SLC25A44: variants seen among roughly 807,000 people sequenced by gnomAD.
SLC25A44 encodes solute carrier family 25 member 44, also known as solute carrier family 25, member 44.
A neutral mutation model predicts 29.9 loss-of-function variants in SLC25A44; 17 were observed. The observed-to-expected ratio is 0.57, with a 90% confidence interval of 0.39 to 0.85. SLC25A44 has a LOEUF of 0.85. SLC25A44 is among the 40% of genes least tolerant of loss of function. The pLI is 0.00. For synonymous variants in SLC25A44, 140 were observed against 151.8 expected (o/e 0.92, Z 0.57); for missense variants, 302 against 398.4 (o/e 0.76, Z 2.06).
At chr1:156,204,156 A>T (rs1656783370) in intron 2 of SLC25A44, among the ~76,000 whole-genome samples, 1 of 146,136 alleles carries the variant, frequency 6.8e-6, no homozygotes. Flanking sequence ...TACAGGCATG[A>T]GCCACCACGC....
At chr1:156,204,756 G>A (rs1656826605) in intron 2 of SLC25A44, among the ~76,000 whole-genome samples, 1 of 152,154 alleles carries the variant, frequency 6.6e-6, no homozygotes. Context: ...CGAAAAGTGT[G>A]AGCCACCACG....
chr1:156,210,515 G>C lies in SLC25A44; in HGVS notation c.*84G>C, dbSNP rs1432982454. ...GGAGAGGACAGCACCCTCTCCAGGT[G>C]CTCCCACCACACACCCAGCCCTGCC... On this transcript the variant is annotated 3_prime_UTR_variant, in exon 4 of 4. Transcript: ENST00000359511. 1 of 1,028,174 alleles carries C rather than the reference G, an allele frequency of 9.7e-7. No homozygotes were observed. Among genetic ancestry groups the C allele is most frequent in the Non-Finnish European group, 1.4e-6 (1 of 728,720 alleles). 63.7% of individuals were successfully genotyped at this position (1,028,174 alleles called of 1,614,324 possible).
rs554468347 is a variant in SLC25A44 at position 156,202,895 on chromosome 1, G to T, written c.625+2423G>T. Among the ~76,000 whole-genome samples, 13 of 152,276 alleles carry T rather than the reference G, an allele frequency of 8.5e-5. No individual in the cohort carries two copies. The East Asian group carries it at 2.5e-3, about 29-fold the overall frequency. On this transcript the variant is annotated intron_variant, in intron 2 of 3. Coordinates refer to ENST00000359511, the MANE Select transcript of SLC25A44 (RefSeq NM_014655.4). ...GTCTATAAGAACAGGGATCATGTCC[G>T]TTTCTGTTCACTATTGTACCTCCCA...
chr1:156,203,699 CTTT>C (rs56890643), intron 2 of SLC25A44, among the ~76,000 whole-genome samples: 2 of 106,776 alleles, frequency 1.9e-5, no homozygotes, highest in Non-Finnish European at 3.5e-5. Context: ...ATTCTCTTTC[CTTT>C]TTTTTTTTTT....
chr1:156,204,164 C>T (rs896024836), intron 2 of SLC25A44, among the ~76,000 whole-genome samples: 4 of 151,112 alleles, frequency 2.6e-5, no homozygotes, highest in Admixed American at 6.6e-5. Flanking sequence ...TGAGCCACCA[C>T]GCCCAGCTAA....
At chr1:156,202,483 C>T (rs1402944204) in intron 2 of SLC25A44, among the ~76,000 whole-genome samples, 3 of 152,162 alleles carry the variant, frequency 2.0e-5, no homozygotes, top group Admixed American at 1.3e-4. Context: ...GTGCACAATT[C>T]CTCAACCATA....
chr1:156,205,434 C>G (rs1254244228), intron 2 of SLC25A44, among the ~76,000 whole-genome samples: 1 of 152,152 alleles, frequency 6.6e-6, no homozygotes, highest in Non-Finnish European at 1.5e-5. Context: ...TGTTCCTTCC[C>G]TTACTCATAC....
In SLC25A44 at chr1:156,211,295, G is replaced by A. The variant is rs1247683293; in HGVS notation, c.*864G>A. ...CCTGGCCCAGAGGACTCCCGTGGTG[G>A]GCACAGTTCTAAGTGGATCAGGCTG... On this transcript the variant is annotated 3_prime_UTR_variant, in exon 4 of 4. Coordinates refer to ENST00000359511, the MANE Select transcript of SLC25A44 (RefSeq NM_014655.4). 1 of 152,760 alleles carries A rather than the reference G, an allele frequency of 6.5e-6. No individual in the cohort carries two copies. The highest frequency in any genetic ancestry group is 1.5e-5 in the Non-Finnish European group (1 of 68,102). The allele number at this position is 152,760 out of a possible 1,614,324, so 9.5% of individuals were successfully genotyped here. A position where few individuals can be genotyped will look rare whatever the true frequency, so the allele number is the denominator to read the frequency against.
intron 3 of SLC25A44, among the ~76,000 whole-genome samples, chr1:156,209,481 T>C (rs1329618660): frequency 6.6e-6 from 1 of 152,026 alleles, no homozygotes; most frequent in Non-Finnish European, 1.5e-5. Context: ...TCATATCATA[T>C]AAAGGGAGGT....
chr1:156,195,802 C>G (rs1053040244), intron 1 of SLC25A44, among the ~76,000 whole-genome samples: 1 of 152,190 alleles, frequency 6.6e-6, no homozygotes, highest in Admixed American at 6.5e-5. Context: ...TACCTTCTCT[C>G]GAGCCAGAAT....
rs893876728 is a variant in SLC25A44 at position 156,198,895 on chromosome 1, T to G, written c.-13-940T>G. The stretch of plus-strand genomic sequence containing the variant: ...AGGTTGTGGTTTATATGCTTAGAGT[T>G]GAAAGCATGGGGTCCAACGTGTTCT... On this transcript the variant is annotated intron_variant, in intron 1 of 3. Coordinates refer to ENST00000359511, the MANE Select transcript of SLC25A44 (RefSeq NM_014655.4). This position sits in a 1 kb window ranked among gnomAD's most constrained non-coding sequence, Gnocchi z 4.1. 2.0e-5 allele frequency: 3 copies of G among 152,268 alleles called. No individual in the cohort carries two copies. The highest frequency in any genetic ancestry group is 3.2e-3 in the Middle Eastern group (1 of 316). 9.4% of individuals were successfully genotyped at this position (152,268 alleles called of 1,614,324 possible).
At position 156,205,421 on chromosome 1, in the gene SLC25A44, T is replaced by G. The variant is rs117921079; in HGVS notation, c.626-2465T>G. On this transcript the variant is annotated intron_variant, in intron 2 of 3. Transcript: ENST00000359511. ...AGTGACTTACCTCTTGGATCTCATA[T>G]GCTGTTCCTTCCCTTACTCATACTG... is the stretch of plus-strand genomic sequence containing the variant. Among the ~76,000 whole-genome samples the G allele has an allele frequency of 8.7e-4, 133 of 152,304 alleles. 2 individuals carry two copies. The East Asian group carries it at 0.025, about 29-fold the overall frequency.
chr1:156,197,157 G>T (rs1395111477), intron 1 of SLC25A44: 7 of 152,148 alleles, frequency 4.6e-5, no homozygotes, highest in African/African-American at 1.7e-4. Flanking sequence ...ATGATCTTGC[G>T]ACCCTAGATG....
In SLC25A44 at chr1:156,198,893, G is replaced by C. The variant is rs1190687678; in HGVS notation, c.-13-942G>C. 6.6e-6 allele frequency: 1 copy of C among 152,240 alleles called. No homozygotes were observed. Among genetic ancestry groups the C allele is most frequent in the Non-Finnish European group, 1.5e-5 (1 of 68,052 alleles). 9.4% of individuals were successfully genotyped at this position (152,240 alleles called of 1,614,324 possible). On this transcript the variant is annotated intron_variant, in intron 1 of 3. Coordinates refer to ENST00000359511, the MANE Select transcript of SLC25A44 (RefSeq NM_014655.4). This position sits in a 1 kb window ranked among gnomAD's most constrained non-coding sequence, Gnocchi z 4.1. ...TGAGGTTGTGGTTTATATGCTTAGA[G>C]TTGAAAGCATGGGGTCCAACGTGTT...
intron 3 of SLC25A44, among the ~76,000 whole-genome samples, chr1:156,209,290 C>G (rs766061277): frequency 6.6e-6 from 1 of 152,044 alleles, no homozygotes; most frequent in Non-Finnish European, 1.5e-5. Flanking sequence ...CTGGAAAGAC[C>G]CAGAGGCATA....
intron 1 of SLC25A44, chr1:156,197,747 A>C (rs1372780093): frequency 1.3e-5 from 2 of 150,258 alleles, no homozygotes; most frequent in African/African-American, 4.9e-5. Context: ...ACAGAGCGAG[A>C]CTCCGTCTGA....
intron 3 of SLC25A44, 63 bp downstream of exon 3, chr1:156,208,076 C>A: frequency 6.7e-7 from 1 of 1,488,768 alleles, no homozygotes; most frequent in Non-Finnish European, 9.3e-7. Context: ...GACCTTCAAG[C>A]CCTCCAGTGT....
chr1:156,197,296 G>A (rs891401053), intron 1 of SLC25A44: 1 of 152,232 alleles, frequency 6.6e-6, no homozygotes, highest in African/African-American at 2.4e-5. Flanking sequence ...CCTACAGCAA[G>A]TGGCATATCA....
At chr1:156,206,043 A>G (rs913354191) in intron 2 of SLC25A44, among the ~76,000 whole-genome samples, 1 of 152,162 alleles carries the variant, frequency 6.6e-6, no homozygotes, top group Non-Finnish European at 1.5e-5. Context: ...TTCTTTCTTG[A>G]TATAGGCTGG....
Sources: allele counts gnomAD v4.1 joint callset (sites outside exome capture counted in the v4.1 genomes callset), GRCh38; gene constraint gnomAD v4.1.1; non-coding constraint Gnocchi (gnomAD v3.1); transcripts MANE v1.5; gene names NCBI Gene and HGNC (gene_info 2026-07-23, HGNC 2026-07-21).